CTNNA2: variants seen among roughly 807,000 people sequenced by gnomAD.
CTNNA2 encodes the protein catenin alpha 2.
A neutral mutation model predicts 101.0 loss-of-function variants in CTNNA2; 42 were observed. That is an observed-to-expected ratio of 0.42 (90% CI 0.32 to 0.54). The LOEUF (loss-of-function observed/expected upper bound fraction) is 0.54. CTNNA2 is among the 20% of genes least tolerant of loss of function. The pLI is 0.14. For synonymous variants in CTNNA2, 450 were observed against 456.4 expected, an observed-to-expected ratio of 0.99 and a Z score of 0.18; for missense variants, 871 against 1,223.1, an observed-to-expected ratio of 0.71 and a Z score of 4.29.
intron 2 of CTNNA2, among the ~76,000 whole-genome samples, chr2:79,728,269 T>A (rs1686985031): frequency 6.6e-6 from 1 of 152,176 alleles, no homozygotes; most frequent in African/African-American, 2.4e-5. Flanking sequence ...TGATCGCCAT[T>A]CTAACTGGTG....
intron 9 of CTNNA2, among the ~76,000 whole-genome samples, chr2:80,542,979 AC>A (rs1423659723): frequency 6.6e-6 from 1 of 152,192 alleles, no homozygotes; most frequent in East Asian, 1.9e-4. Flanking sequence ...ACATTGGTTA[AC>A]ATCTGCTAGA....
chr2:80,102,219 T>A (rs898618860), intron 7 of CTNNA2, among the ~76,000 whole-genome samples: 3 of 152,194 alleles, frequency 2.0e-5, no homozygotes, highest in African/African-American at 7.2e-5. Flanking sequence ...CTTTCTCATA[T>A]CTTCCTCTTC....
intron 12 of CTNNA2, among the ~76,000 whole-genome samples, chr2:80,558,460 ATATATGTGTGTGTGTGTGTGTGTGTG>A (rs1160215118): frequency 1.8e-3 from 129 of 70,108 alleles, no homozygotes; most frequent in African/African-American, 4.4e-3. Context: ...GTGTGTGTGT[ATATATGTGTGTGTGTGTGTGTGTGTG>A]TATATATATA....
chr2:80,276,563 A>C (rs1238840840), intron 7 of CTNNA2, among the ~76,000 whole-genome samples: 1 of 152,164 alleles, frequency 6.6e-6, no homozygotes, highest in South Asian at 2.1e-4. Context: ...CTTCTGATGA[A>C]GGCTTCAATG....
rs1018454880 is a variant in CTNNA2, at chr2:80,501,698, G to A, written c.1291-43284G>A. ...TTCAGGAGGAACCCCTAAGGGAGTG[G>A]GGGAAGCAAAATTGGATATGCGGGG... On this transcript the variant is annotated intron_variant, in intron 9 of 18. Transcript: ENST00000402739. Among the ~76,000 whole-genome samples, 5 of 152,162 alleles carry A rather than the reference G, an allele frequency of 3.3e-5. No homozygotes were observed. In the East Asian group the frequency reaches 9.6e-4, roughly 29 times the overall value.
At chr2:79,252,557 C>A (rs551460079) in intron 2 of CTNNA2, among the ~76,000 whole-genome samples, 4 of 152,120 alleles carry the variant, frequency 2.6e-5, no homozygotes, top group South Asian at 2.1e-4. Context: ...TAGCCAATTT[C>A]CCAGGACCAT....
intron 6 of CTNNA2, among the ~76,000 whole-genome samples, chr2:79,888,184 A>G (rs2104183837): frequency 6.6e-6 from 1 of 152,274 alleles, no homozygotes; most frequent in East Asian, 1.9e-4. Context: ...AGATAGATGC[A>G]ATACATGTGA....
In CTNNA2 at chr2:80,225,636, T is replaced by C. The variant is rs532996367; in HGVS notation, c.1057-167575T>C. ...GAAGTAACTTCATTGAAAACAGCTA[T>C]GTATATAGAATAGCATATAATGGTT... On this transcript the variant is annotated intron_variant, in intron 7 of 18. Coordinates refer to ENST00000402739, the MANE Select transcript of CTNNA2 (RefSeq NM_001282597.3). Among the ~76,000 whole-genome samples the C allele has an allele frequency of 7.2e-5, 11 of 152,322 alleles. 1 individual carries two copies. The South Asian group carries it at 2.1e-3, about 29-fold the overall frequency.
intron 3 of CTNNA2, among the ~76,000 whole-genome samples, chr2:79,820,488 T>A (rs533379160): frequency 8.5e-5 from 13 of 152,318 alleles, no homozygotes; most frequent in Non-Finnish European, 4.4e-5. Context: ...ATCTTCGGAA[T>A]GTCTTTCGAT....
At chr2:79,301,903 C>T (rs973088769) in intron 2 of CTNNA2, among the ~76,000 whole-genome samples, 2 of 151,834 alleles carry the variant, frequency 1.3e-5, no homozygotes, top group Non-Finnish European at 2.9e-5. Flanking sequence ...CCAGCCTGGC[C>T]AACAGGATGA....
In CTNNA2 at chr2:80,343,993, T is replaced by C. The variant is rs370951887; in HGVS notation, c.1057-49218T>C. The stretch of plus-strand genomic sequence containing the variant: ...CTTAAGGGAAGAGCTATTCCAGTAT[T>C]TGTATTCACCCATTCTCTCTTGAGG... On this transcript the variant is annotated intron_variant, in intron 7 of 18. Coordinates refer to ENST00000402739, the MANE Select transcript of CTNNA2 (RefSeq NM_001282597.3). 9.2e-5 allele frequency among the ~76,000 whole-genome samples: 14 copies of C among 152,144 alleles called. No individual in the cohort carries two copies. In the East Asian group the frequency reaches 9.7e-4, roughly 10 times the overall value.
chr2:80,049,586 A>G (rs569120919), intron 7 of CTNNA2, among the ~76,000 whole-genome samples: 1 of 152,190 alleles, frequency 6.6e-6, no homozygotes, highest in Admixed American at 6.5e-5. Flanking sequence ...CTCTTCACAC[A>G]TGTTCACATC....
chr2:79,232,968 C>T lies in CTNNA2; in HGVS notation c.-406+34892C>T, dbSNP rs150996941. Among the ~76,000 whole-genome samples, 41 of 152,192 alleles carry T rather than the reference C, an allele frequency of 2.7e-4. No individual in the cohort carries two copies. The East Asian group carries it at 6.4e-3, about 24-fold the overall frequency. On this transcript the variant is annotated intron_variant, in intron 2 of 21. Coordinates refer to the CTNNA2 transcript ENST00000466387. ...TTAATTCAGCTAACAGCTGTTAAATCAGCTAACAGTCCATCAAACTTGTTT... is the reference window on the plus strand; with the variant it reads ...TTAATTCAGCTAACAGCTGTTAAATTAGCTAACAGTCCATCAAACTTGTTT...
chr2:80,243,829 G>C (rs1240321029), intron 7 of CTNNA2, among the ~76,000 whole-genome samples: 1 of 152,188 alleles, frequency 6.6e-6, no homozygotes, highest in African/African-American at 2.4e-5. Context: ...ATATGAAAGA[G>C]TATGTTTGAC....
rs562180729 is a variant in CTNNA2, at chr2:79,875,302, T to G, written c.852+960T>G. 4.6e-5 allele frequency among the ~76,000 whole-genome samples: 7 copies of G among 152,342 alleles called. No homozygotes were observed. In the South Asian group the frequency reaches 1.4e-3, roughly 32 times the overall value. On this transcript the variant is annotated intron_variant, in intron 6 of 18. Coordinates refer to ENST00000402739, the MANE Select transcript of CTNNA2 (RefSeq NM_001282597.3). The stretch of plus-strand genomic sequence containing the variant: ...GACCTGTGAGAAGTTGGAATTTATT[T>G]ATCTTATGATCAATGAAAGCCTACA...
chr2:79,401,438 G>A (rs1678289462), intron 4 of CTNNA2, among the ~76,000 whole-genome samples: 1 of 151,542 alleles, frequency 6.6e-6, no homozygotes, highest in South Asian at 2.1e-4. Flanking sequence ...GCATAAAGAT[G>A]TATTTTGGAT....
chr2:79,918,056 GACAACTCC>G (rs1327665166), intron 7 of CTNNA2, among the ~76,000 whole-genome samples: 3 of 152,024 alleles, frequency 2.0e-5, no homozygotes, highest in Non-Finnish European at 2.9e-5. Context: ...TGAAAAGTAT[GACAACTCC>G]AGGAGCTCCC....
At chr2:79,317,660 A>G (rs1676527881) in intron 3 of CTNNA2, among the ~76,000 whole-genome samples, 1 of 152,024 alleles carries the variant, frequency 6.6e-6, no homozygotes, top group Admixed American at 6.6e-5. Flanking sequence ...TGAAACAATG[A>G]ATATCCCTTA....
chr2:79,615,176 A>G (rs1430417287), intron 1 of CTNNA2, among the ~76,000 whole-genome samples: 1 of 152,114 alleles, frequency 6.6e-6, no homozygotes, highest in Non-Finnish European at 1.5e-5. Context: ...GTGCCTTTTA[A>G]TTATTTTTAT....
Sources: allele counts gnomAD v4.1 joint callset (sites outside exome capture counted in the v4.1 genomes callset), GRCh38; gene constraint gnomAD v4.1.1; transcripts MANE v1.5; gene names NCBI Gene and HGNC (gene_info 2026-07-23, HGNC 2026-07-21).